Variants in GALNT1 observed in about 807,000 individuals in gnomAD.
GALNT1 encodes polypeptide N-acetylgalactosaminyltransferase 1.
Under a neutral mutation model 65.7 loss-of-function variants are expected in GALNT1, and 17 were observed. That is an observed-to-expected ratio of 0.26 (90% CI 0.18 to 0.39). The LOEUF (loss-of-function observed/expected upper bound fraction) is 0.39, where lower values mean the gene tolerates loss of function less well. Ranked by LOEUF, GALNT1 falls within the 10% of genes least tolerant of loss-of-function variation. The pLI is 1.00. For missense variants in GALNT1, 460 were observed against 672.8 expected (o/e 0.68, Z 3.50); for synonymous variants, 210 against 219.7 (o/e 0.96, Z 0.39).
intron 11 of GALNT1, among the ~76,000 whole-genome samples, chr18:35,708,104 G>A (rs2048295684): frequency 6.6e-6 from 1 of 152,074 alleles, no homozygotes; most frequent in African/African-American, 2.4e-5. Context: ...CCATTTTATA[G>A]ATGAGGAAAC....
intron 3 of GALNT1, among the ~76,000 whole-genome samples, chr18:35,669,511 A>G (rs1220423940): frequency 6.6e-6 from 1 of 152,236 alleles, no homozygotes; most frequent in Admixed American, 6.5e-5. Flanking sequence ...TATTCCAGAC[A>G]TGTGAAGTTG....
At chr18:35,610,163 G>A (rs903413725) in intron 1 of GALNT1, among the ~76,000 whole-genome samples, 1 of 152,192 alleles carries the variant, frequency 6.6e-6, no homozygotes, top group Non-Finnish European at 1.5e-5. Flanking sequence ...GCAGCTGGGA[G>A]TGGTTGGATG....
chr18:35,691,266 G>A (rs1182618281), intron 8 of GALNT1, 74 bp downstream of exon 8: 1 of 1,363,440 alleles, frequency 7.3e-7, no homozygotes, highest in Admixed American at 2.4e-5. Flanking sequence ...AAGTAAGAAG[G>A]TTAGAAGTGA....
At chr18:35,669,138 G>A (rs2047592795) in intron 3 of GALNT1, among the ~76,000 whole-genome samples, 1 of 152,186 alleles carries the variant, frequency 6.6e-6, no homozygotes, top group Non-Finnish European at 1.5e-5. Context: ...CTACTCAGGA[G>A]GCTGAGGCAG....
In GALNT1 at chr18:35,683,585, A is replaced by T; in HGVS notation, c.676A>T (p.Ile226Phe). The T allele has an allele frequency of 6.2e-7, 1 of 1,613,458 alleles. No individual in the cohort carries two copies. The highest frequency in any genetic ancestry group is 1.1e-5 in the South Asian group (1 of 90,998). ...ATGGCTGGAGCCTCTCTTGGCCAGG[A>T]TCAAACATGACAGGTAATTTTCTGG... ...VGWLEPLLARIKHDRRTVVCP... is the reference protein window; with the variant it reads ...VGWLEPLLARFKHDRRTVVCP... Residue 226 changes from isoleucine (I) to phenylalanine (F), a missense_variant, in exon 5 of 12, where the codon ATC becomes TTC. Ile to Phe is a conservative substitution (Grantham distance 21). Transcript: ENST00000269195.
At chr18:35,590,829 C>G (rs997463525) in intron 1 of GALNT1, among the ~76,000 whole-genome samples, 1 of 152,146 alleles carries the variant, frequency 6.6e-6, no homozygotes. Flanking sequence ...AGTGGAGAGG[C>G]CTGATGCTTT....
At chr18:35,632,934 A>G (rs2047035360) in intron 1 of GALNT1, among the ~76,000 whole-genome samples, 1 of 152,234 alleles carries the variant, frequency 6.6e-6, no homozygotes, top group African/African-American at 2.4e-5. Flanking sequence ...CAGCCAAAAG[A>G]CACATGAAAA....
intron 1 of GALNT1, among the ~76,000 whole-genome samples, chr18:35,647,379 A>G (rs2047244457): frequency 6.6e-6 from 1 of 152,178 alleles, no homozygotes; most frequent in Non-Finnish European, 1.5e-5. Context: ...TCACCCTTGT[A>G]TTCCCTGCAT....
At position 35,702,092 on chromosome 18, in the gene GALNT1, G is replaced by A. The variant is rs116624399; in HGVS notation, c.1300-805G>A. Among the ~76,000 whole-genome samples, 1,388 of 152,142 alleles carry A rather than the reference G, an allele frequency of 9.1e-3. 22 individuals carry two copies. Among genetic ancestry groups the A allele is most frequent in the African/African-American group, 0.03 (1,244 of 41,490 alleles). On this transcript the variant is annotated intron_variant, in intron 9 of 11. Coordinates refer to ENST00000269195, the MANE Select transcript of GALNT1 (RefSeq NM_020474.4). ...CCTGGTTTTTATTCCTGGCTGCTTG[G>A]GAATATTGGAATAATATGCAGACTG...
At chr18:35,588,834 A>T (rs2046409505) in intron 1 of GALNT1, among the ~76,000 whole-genome samples, 3 of 151,994 alleles carry the variant, frequency 2.0e-5, no homozygotes, top group Non-Finnish European at 2.9e-5. Context: ...GTAATTATTG[A>T]AGCATGTCTA....
intron 1 of GALNT1, among the ~76,000 whole-genome samples, chr18:35,619,790 C>T (rs573979139): frequency 9.2e-5 from 14 of 152,288 alleles, no homozygotes; most frequent in Admixed American, 4.6e-4. Context: ...GTTGTCTCTG[C>T]GTTTTAACTT....
chr18:35,690,397 G>A (rs935214533), intron 7 of GALNT1, among the ~76,000 whole-genome samples: 1 of 152,044 alleles, frequency 6.6e-6, no homozygotes, highest in African/African-American at 2.4e-5. Flanking sequence ...GTTTTGTTTG[G>A]TGGTTGTTTT....
chr18:35,615,094 G>A (rs916444799), intron 1 of GALNT1, among the ~76,000 whole-genome samples: 2 of 151,896 alleles, frequency 1.3e-5, no homozygotes, highest in African/African-American at 4.8e-5. Flanking sequence ...GTTTGTTTTT[G>A]TGGAATTTGA....
intron 1 of GALNT1, among the ~76,000 whole-genome samples, chr18:35,617,062 G>A (rs2144078942): frequency 6.6e-6 from 1 of 152,088 alleles, no homozygotes. Context: ...GCAGTGACGG[G>A]TGAATGTAAT....
At chr18:35,593,801 C>T (rs561953967) in intron 1 of GALNT1, among the ~76,000 whole-genome samples, 30 of 152,062 alleles carry the variant, frequency 2.0e-4, no homozygotes, top group Admixed American at 1.5e-3. Flanking sequence ...CTCCGCCTCT[C>T]GGGTTCAAGC....
At chr18:35,617,242 A>C (rs915794492) in intron 1 of GALNT1, among the ~76,000 whole-genome samples, 1 of 152,138 alleles carries the variant, frequency 6.6e-6, no homozygotes, top group African/African-American at 2.4e-5. Context: ...CTTTGTTCTC[A>C]TATGGTCTGG....
intron 1 of GALNT1, among the ~76,000 whole-genome samples, chr18:35,631,984 A>C (rs1244708855): frequency 6.6e-6 from 1 of 152,202 alleles, no homozygotes; most frequent in African/African-American, 2.4e-5. Context: ...TAGGAATCCA[A>C]CTTACAAGGG....
intron 1 of GALNT1, among the ~76,000 whole-genome samples, chr18:35,619,999 T>G (rs1422985148): frequency 6.6e-6 from 1 of 152,196 alleles, no homozygotes; most frequent in African/African-American, 2.4e-5. Context: ...CCTTCTGTGT[T>G]TGTTAGCATT....
At chr18:35,651,134 ACTT>A (rs1345675149) in intron 1 of GALNT1, among the ~76,000 whole-genome samples, 1 of 152,126 alleles carries the variant, frequency 6.6e-6, no homozygotes, top group Non-Finnish European at 1.5e-5. Flanking sequence ...CCGCAACAAA[ACTT>A]CTTTTGTTTC....
Sources: gnomAD v4.1 joint callset for allele counts (sites outside exome capture counted in the v4.1 genomes callset) on GRCh38, gnomAD v4.1.1 for gene constraint, MANE v1.5 for transcripts, NCBI Gene and HGNC (gene_info 2026-07-23, HGNC 2026-07-21) for gene names.